GUCY2C: variants seen among roughly 807,000 people sequenced by gnomAD.
GUCY2C encodes the protein guanylyl cyclase C.
In GUCY2C, 118 loss-of-function variants were observed where a neutral mutation model predicts 131.1. The ratio of observed to expected loss-of-function variants is 0.90; its 90% CI spans 0.78 to 1.05. The LOEUF (loss-of-function observed/expected upper bound fraction) is 1.05, where lower values mean the gene tolerates loss of function less well. Among genes scored for constraint, GUCY2C ranks in the 50% least tolerant of loss-of-function variants. The pLI is 0.00. For synonymous variants in GUCY2C, 452 were observed against 457.8 expected (o/e 0.99, Z 0.16); for missense variants, 1,161 against 1,304.4 (o/e 0.89, Z 1.69).
At chr12:14,652,921 G>A in intron 13 of GUCY2C, 31 bp downstream of exon 13, 1 of 1,465,888 alleles carries the variant, frequency 6.8e-7, no homozygotes, top group Non-Finnish European at 9.6e-7. Flanking sequence ...GCATACCCCA[G>A]TGGAGAGTTC....
intron 6 of GUCY2C, among the ~76,000 whole-genome samples, chr12:14,678,983 C>T (rs1439012048): frequency 6.6e-6 from 1 of 152,058 alleles, no homozygotes; most frequent in East Asian, 1.9e-4. Context: ...AAGATCACCA[C>T]CTAGTGACTA....
chr12:14,681,245 A>G (rs999081458), intron 5 of GUCY2C, 111 bp downstream of exon 5: 4 of 871,308 alleles, frequency 4.6e-6, no homozygotes, highest in Non-Finnish European at 5.5e-6. Flanking sequence ...CAAAATATGT[A>G]TGAGTAAGGA....
Position 14,635,596 on chromosome 12 carries a change from A to G in GUCY2C, c.2157+4266T>C, listed in dbSNP as rs1018644403. On this transcript the variant is annotated intron_variant, in intron 19 of 26. Transcript: ENST00000261170. ...CAAAGTTCGTAGAGGGAAAGAAATA[A>G]TAAAGGTCAGAGTAGAACTAGACAA... is the stretch of plus-strand genomic sequence containing the variant. 1.3e-5 allele frequency among the ~76,000 whole-genome samples: 2 copies of G among 152,172 alleles called. 1 individual carries two copies. Among genetic ancestry groups the G allele is most frequent in the Admixed American group, 1.3e-4 (2 of 15,280 alleles).
chr12:14,639,018 G>A lies in GUCY2C; in HGVS notation c.2157+844C>T, dbSNP rs112778540. Among the ~76,000 whole-genome samples, 731 of 152,166 alleles carry A rather than the reference G, an allele frequency of 4.8e-3. 7 individuals carry two copies. The highest frequency in any genetic ancestry group is 0.017 in the African/African-American group (689 of 41,528). On this transcript the variant is annotated intron_variant, in intron 19 of 26. Coordinates refer to ENST00000261170, the MANE Select transcript of GUCY2C (RefSeq NM_004963.4). ...TTAAAAATAGAGAATGAGGCCAGGC[G>A]CGGTGGCTTACACCTATTATGTAAT...
At chr12:14,642,058 C>T (rs1015864725) in intron 17 of GUCY2C, among the ~76,000 whole-genome samples, 4 of 152,024 alleles carry the variant, frequency 2.6e-5, no homozygotes, top group African/African-American at 4.8e-5. Flanking sequence ...AAAGACAGTA[C>T]ATTAAGACAA....
chr12:14,673,570 C>A (rs765567947), intron 8 of GUCY2C, among the ~76,000 whole-genome samples: 2 of 152,146 alleles, frequency 1.3e-5, no homozygotes, highest in African/African-American at 2.4e-5. Context: ...TCATATTATT[C>A]TTCCTGAAAT....
chr12:14,689,043 A>G (rs1331581374), intron 1 of GUCY2C, among the ~76,000 whole-genome samples: 4 of 152,204 alleles, frequency 2.6e-5, no homozygotes, highest in Admixed American at 6.5e-5. Context: ...TTGTCTGACT[A>G]TTATTTTTAA....
chr12:14,688,057 T>C lies in GUCY2C; in HGVS notation c.224A>G (p.Asn75Ser). 6.2e-7 allele frequency: 1 copy of C among 1,600,374 alleles called. No homozygotes were observed. Among genetic ancestry groups the C allele is most frequent in the Non-Finnish European group, 8.6e-7 (1 of 1,167,356 alleles). The change falls in exon 2 of 27, where the codon AAT (asparagine) becomes AGT (serine). Residue 75 changes from asparagine to serine, a missense_variant. Physicochemically the swap from Asn to Ser is conservative, Grantham distance 46. Transcript: ENST00000261170. Reference protein sequence around the residue: ...VRGRLQNAGLNVTVNATFMYS... With the variant: ...VRGRLQNAGLSVTVNATFMYS... Reference sequence around the variant, plus strand: ...CATGAAAGTAGCGTTCACAGTCACATTTAGGCCTGTCGCCCAGAGATGAGG... The same window carrying C: ...CATGAAAGTAGCGTTCACAGTCACACTTAGGCCTGTCGCCCAGAGATGAGG...
Position 14,683,227 on chromosome 12 carries a change from G to A in GUCY2C, c.426C>T (p.Ile142=). 5 of 1,613,372 alleles carry A rather than the reference G, an allele frequency of 3.1e-6. No individual in the cohort carries two copies. The highest frequency in any genetic ancestry group is 4.2e-6 in the Non-Finnish European group (5 of 1,179,414). The change falls in exon 4 of 27, where the codon ATC becomes ATT. Residue 142 remains isoleucine (I), a synonymous_variant. Coordinates refer to ENST00000261170, the MANE Select transcript of GUCY2C (RefSeq NM_004963.4). ...YLDTELSYPM[I]SAGSFGLSCD... ...ATGACAATCCAAAACTTCCAGCTGA[G>A]ATCATGGGGTAGCTCAATTCTGTGT...
At chr12:14,639,988 T>C (rs373886720) in intron 18 of GUCY2C, 38 bp from the exon 19 acceptor site, 7 of 1,263,086 alleles carry the variant, frequency 5.5e-6, no homozygotes, top group Non-Finnish European at 8.1e-6. Context: ...CAAAGAAGAA[T>C]ACAGCATGAA....
intron 15 of GUCY2C, among the ~76,000 whole-genome samples, chr12:14,649,363 A>T (rs954310857): frequency 7.2e-5 from 11 of 152,236 alleles, no homozygotes; most frequent in African/African-American, 2.7e-4. Flanking sequence ...AATTCTTCTA[A>T]CGTTGAAGTT....
intron 19 of GUCY2C, among the ~76,000 whole-genome samples, chr12:14,635,246 C>T (rs1315666785): frequency 1.3e-5 from 2 of 151,992 alleles, no homozygotes; most frequent in African/African-American, 2.4e-5. Context: ...TATAAAGAAC[C>T]AGAATTATAT....
rs7313027 is a variant in GUCY2C, at chr12:14,652,060, G to C, written c.1534-30C>G. The stretch of plus-strand genomic sequence containing the variant: ...AAAAATCAATGAAATTTAGGAGACA[G>C]TGTTGTGGTGTAACTCTTTACATGC... On this transcript the variant is annotated intron_variant, in intron 13 of 26. Transcript: ENST00000261170. 1,323,205 of 1,344,586 alleles carry C rather than the reference G, an allele frequency of 0.98. 653,549 individuals carry two copies. The highest frequency in any genetic ancestry group is 1 in the East Asian group (43,600 of 43,600). The allele number at this position is 1,344,586 out of a possible 1,614,324, so 83.3% of individuals were successfully genotyped here. A position where few individuals can be genotyped will look rare whatever the true frequency, so the allele number is the denominator to read the frequency against.
chr12:14,642,664 G>A (rs920508110), intron 17 of GUCY2C, among the ~76,000 whole-genome samples: 2 of 152,124 alleles, frequency 1.3e-5, no homozygotes, highest in Admixed American at 6.5e-5. Flanking sequence ...AGGTATAAGC[G>A]AGTGCTGTTT....
At chr12:14,670,798 A>G (rs1326380395) in intron 9 of GUCY2C, among the ~76,000 whole-genome samples, 1 of 151,776 alleles carries the variant, frequency 6.6e-6, no homozygotes, top group East Asian at 2.0e-4. Flanking sequence ...TGGGGAGTCC[A>G]TGAAACCTCT....
At position 14,613,093 on chromosome 12, in the gene GUCY2C, T is replaced by G; in HGVS notation, c.*24A>C. The G allele has an allele frequency of 2.5e-6, 4 of 1,591,690 alleles. No individual in the cohort carries two copies. The highest frequency in any genetic ancestry group is 3.4e-6 in the Non-Finnish European group (4 of 1,160,512). On this transcript the variant is annotated 3_prime_UTR_variant, in exon 27 of 27. Coordinates refer to ENST00000261170, the MANE Select transcript of GUCY2C (RefSeq NM_004963.4). The surrounding 1 kb of genome is among the most constrained non-coding windows in gnomAD (Gnocchi z 4.9). ...CAGTGCAGCTGTATTTTAATTTGTG[T>G]GAGTCCTTATACCTCATTTAGGTTT...
intron 21 of GUCY2C, among the ~76,000 whole-genome samples, chr12:14,622,866 G>A (rs1946923639): frequency 1.3e-5 from 2 of 151,926 alleles, no homozygotes; most frequent in Non-Finnish European, 2.9e-5. Context: ...TGCTGAATGA[G>A]GAGCAGCATA....
chr12:14,617,993 C>T (rs1197533408), intron 24 of GUCY2C, among the ~76,000 whole-genome samples: 1 of 152,168 alleles, frequency 6.6e-6, no homozygotes, highest in East Asian at 1.9e-4. Context: ...ATCACATTGT[C>T]AGTACACTAC....
chr12:14,662,328 A>G (rs1947884209), intron 10 of GUCY2C, among the ~76,000 whole-genome samples: 1 of 152,212 alleles, frequency 6.6e-6, no homozygotes, highest in Admixed American at 6.5e-5. Flanking sequence ...GTATTAAAAA[A>G]GGAGAGAAAA....
Sources: allele counts gnomAD v4.1 joint callset (sites outside exome capture counted in the v4.1 genomes callset), GRCh38; gene constraint gnomAD v4.1.1; non-coding constraint Gnocchi (gnomAD v3.1); transcripts MANE v1.5; gene names NCBI Gene and HGNC (gene_info 2026-07-23, HGNC 2026-07-21).